CPED1: variants seen among roughly 807,000 people sequenced by gnomAD.
The protein encoded by CPED1 is cadherin-like and PC-esterase domain-containing protein 1.
Under a neutral mutation model 128.2 loss-of-function variants are expected in CPED1, and 114 were observed. That is an observed-to-expected ratio of 0.89 (90% CI 0.76 to 1.04). The LOEUF is 1.04. CPED1 is among the 50% of genes least tolerant of loss of function. The pLI is 0.00. For missense variants in CPED1, 1,211 were observed against 1,207.1 expected, an observed-to-expected ratio of 1.00 and a Z score of -0.05; for synonymous variants, 462 against 426.7, an observed-to-expected ratio of 1.08 and a Z score of -1.02.
chr7:121,014,953 G>A lies in CPED1; in HGVS notation c.250-712G>A, dbSNP rs537761288. ...AGCCTTATAATGAATTTAAATTTCA[G>A]CCTTCTTTTTCCTTGTCAATTCAAA... is the stretch of plus-strand genomic sequence containing the variant. On this transcript the variant is annotated intron_variant, in intron 2 of 22. Transcript: ENST00000310396. Among the ~76,000 whole-genome samples, 4 of 152,226 alleles carry A rather than the reference G, an allele frequency of 2.6e-5. No individual in the cohort carries two copies. In the South Asian group the frequency reaches 6.2e-4, roughly 24 times the overall value.
intron 18 of CPED1, among the ~76,000 whole-genome samples, chr7:121,248,599 A>C (rs987415176): frequency 1.2e-3 from 176 of 150,190 alleles, no homozygotes; most frequent in Middle Eastern, 7.0e-3. Flanking sequence ...TGAAACAAAA[A>C]AAAAAAAAAA....
chr7:121,248,761 C>A (rs1473762588), intron 18 of CPED1, among the ~76,000 whole-genome samples: 2 of 152,084 alleles, frequency 1.3e-5, no homozygotes, highest in Non-Finnish European at 2.9e-5. Context: ...AGAATTCTGG[C>A]AATTTAAAAA....
intron 18 of CPED1, among the ~76,000 whole-genome samples, chr7:121,252,802 A>C (rs1284276477): frequency 6.6e-6 from 1 of 152,090 alleles, no homozygotes; most frequent in Non-Finnish European, 1.5e-5. Context: ...ATCATTAAAA[A>C]CTCAGGAAAC....
At position 121,133,849 on chromosome 7, in the gene CPED1, T is replaced by C. The variant is rs1563039658; in HGVS notation, c.1604T>C (p.Ile535Thr). The change falls in exon 13 of 23, where the codon ATT becomes ACT. Residue 535 changes from isoleucine to threonine, a missense_variant. Transcript: ENST00000310396. Reference sequence around the variant, plus strand: ...AATTCTTTCACAGAAGATAAGAACATTGAAAAACCACAAGTGCCATTTGAT... The same window carrying C: ...AATTCTTTCACAGAAGATAAGAACACTGAAAAACCACAAGTGCCATTTGAT... The part of the protein sequence containing the change: ...EWNSFTEDKN[I>T]EKPQVPFDAI... The C allele has an allele frequency of 1.9e-6, 3 of 1,602,440 alleles. No homozygotes were observed. Among genetic ancestry groups the C allele is most frequent in the Non-Finnish European group, 1.7e-6 (2 of 1,172,830 alleles).
At chr7:121,098,194 A>AT (rs894941943) in intron 6 of CPED1, among the ~76,000 whole-genome samples, 8 of 151,792 alleles carry the variant, frequency 5.3e-5, no homozygotes, top group Admixed American at 3.3e-4. Flanking sequence ...TTTTTCTGCT[A>AT]TTTTTTTTAT....
chr7:121,047,704 T>TCCTCCTCCTCCTCCTCC (rs1793245376), intron 4 of CPED1, among the ~76,000 whole-genome samples: 1 of 89,230 alleles, frequency 1.1e-5, no homozygotes, highest in African/African-American at 5.2e-5. Context: ...CTTCTTCTTC[T>TCCTCCTCCTCCTCCTCC]TCTTCTTCTT....
At chr7:121,160,313 C>T (rs574522472) in intron 16 of CPED1, among the ~76,000 whole-genome samples, 89 of 152,268 alleles carry the variant, frequency 5.8e-4, no homozygotes, top group African/African-American at 2.1e-3. Flanking sequence ...AGTTCCTCTT[C>T]TCCTTATCTT....
chr7:121,128,959 A>G (rs979967519), intron 11 of CPED1, among the ~76,000 whole-genome samples: 2 of 152,008 alleles, frequency 1.3e-5, no homozygotes, highest in African/African-American at 4.8e-5. Context: ...TCAAACTTCA[A>G]AGAAAGAAAA....
At chr7:121,006,515 A>G (rs773503387) in intron 2 of CPED1, among the ~76,000 whole-genome samples, 1 of 152,090 alleles carries the variant, frequency 6.6e-6, no homozygotes, top group Non-Finnish European at 1.5e-5. Flanking sequence ...AGTCTAAGGA[A>G]GAGGAAAGCA....
At position 121,256,121 on chromosome 7, in the gene CPED1, AAACAAAACAAAAAAAAAAAAC is replaced by A. The variant is rs1200985574; in HGVS notation, c.2311-10103_2311-10083del. Reference sequence around the variant, plus strand: ...TAAAGCAATCCTAAGCAAAAAAAAAAAACAAAACAAAAAAAAAAAACAAAGCTTATGCCAAAGACATAACTA... The same window carrying A: ...TAAAGCAATCCTAAGCAAAAAAAAAAAAAGCTTATGCCAAAGACATAACTA... On this transcript the variant is annotated intron_variant, in intron 18 of 22. Transcript: ENST00000310396. Among the ~76,000 whole-genome samples, 12 of 40,622 alleles carry A rather than the reference AAACAAAACAAAAAAAAAAAAC, an allele frequency of 3.0e-4. 1 individual carries two copies. The highest frequency in any genetic ancestry group is 4.5e-4 in the African/African-American group (10 of 22,226). The allele number at this position is 40,622 out of a possible 152,430, so 26.6% of individuals were successfully genotyped here.
Position 121,046,944 on chromosome 7 carries a change from C to G in CPED1, c.491C>G (p.Thr164Arg). 4 of 1,613,110 alleles carry G rather than the reference C, an allele frequency of 2.5e-6. No homozygotes were observed. Among genetic ancestry groups the G allele is most frequent in the Non-Finnish European group, 3.4e-6 (4 of 1,179,380 alleles). ...ICLSSKKAEGTPCISKEVMCQ... is the reference protein window; with the variant it reads ...ICLSSKKAEGRPCISKEVMCQ... The stretch of plus-strand genomic sequence containing the variant: ...CTGTCTTCTAAGAAAGCAGAAGGAA[C>G]ACCCTGTATATCCAAGGAAGTCATG... The change falls in exon 4 of 23, where the codon ACA becomes AGA. Residue 164 changes from threonine (T) to arginine (R), a missense_variant. Physicochemically the swap from Thr to Arg is moderately conservative, Grantham distance 71. Coordinates refer to ENST00000310396, the MANE Select transcript of CPED1 (RefSeq NM_024913.5).
At chr7:121,083,093 A>G (rs960627834) in intron 5 of CPED1, among the ~76,000 whole-genome samples, 1 of 152,152 alleles carries the variant, frequency 6.6e-6, no homozygotes, top group Non-Finnish European at 1.5e-5. Flanking sequence ...CAGAAGCTCC[A>G]GTCCTCAGCT....
intron 16 of CPED1, among the ~76,000 whole-genome samples, chr7:121,173,898 T>C (rs1003164640): frequency 1.3e-5 from 2 of 152,160 alleles, no homozygotes; most frequent in Non-Finnish European, 2.9e-5. Flanking sequence ...GCATGTGTTA[T>C]TCCTCAGCAT....
chr7:121,174,873 ATTTG>A (rs1372200854), intron 16 of CPED1, among the ~76,000 whole-genome samples: 2 of 151,926 alleles, frequency 1.3e-5, no homozygotes, highest in Non-Finnish European at 2.9e-5. Flanking sequence ...ATGTTTTTCC[ATTTG>A]TTTGTGTCAT....
chr7:121,183,611 G>C (rs1199491216), intron 16 of CPED1, among the ~76,000 whole-genome samples: 1 of 152,134 alleles, frequency 6.6e-6, no homozygotes, highest in Non-Finnish European at 1.5e-5. Flanking sequence ...ATAGCAAACT[G>C]TTCAAATAAA....
At chr7:121,290,655 T>C (rs1034626055) in intron 22 of CPED1, among the ~76,000 whole-genome samples, 2 of 152,216 alleles carry the variant, frequency 1.3e-5, no homozygotes, top group African/African-American at 4.8e-5. Flanking sequence ...GATGGGGTTG[T>C]TTTGTTCTTG....
intron 2 of CPED1, among the ~76,000 whole-genome samples, chr7:120,990,377 A>G (rs1796290635): frequency 6.6e-6 from 1 of 152,202 alleles, no homozygotes; most frequent in South Asian, 2.1e-4. Context: ...ATTTACTTCG[A>G]AAGCATTAAA....
chr7:121,240,655 G>C (rs1005675766), intron 17 of CPED1, among the ~76,000 whole-genome samples: 2 of 150,562 alleles, frequency 1.3e-5, no homozygotes, highest in Non-Finnish European at 2.9e-5. Flanking sequence ...ATGATAAAAG[G>C]ATAGGCAAAT....
chr7:121,071,763 T>G (rs539114393), intron 5 of CPED1, among the ~76,000 whole-genome samples: 2 of 152,208 alleles, frequency 1.3e-5, no homozygotes, highest in South Asian at 4.2e-4. Flanking sequence ...TCTTGTCAGT[T>G]TCAACATCTG....
Sources: gnomAD v4.1 joint callset for allele counts (sites outside exome capture counted in the v4.1 genomes callset) on GRCh38, gnomAD v4.1.1 for gene constraint, MANE v1.5 for transcripts, NCBI Gene and HGNC (gene_info 2026-07-23, HGNC 2026-07-21) for gene names.